The following ANO1 variants were observed in gnomAD, a reference collection of about 807,000 sequenced individuals.
ANO1 encodes the protein anoctamin-1.
A neutral mutation model predicts 124.0 loss-of-function variants in ANO1; 59 were observed. The observed-to-expected ratio is 0.48, with a 90% CI of 0.39 to 0.59. The LOEUF (loss-of-function observed/expected upper bound fraction) is 0.59, where lower values mean the gene tolerates loss of function less well. Among genes scored for constraint, ANO1 ranks in the 20% least tolerant of loss-of-function variants. The pLI is 0.00. For missense variants in ANO1, 1,059 were observed against 1,328.0 expected (o/e 0.80, Z 3.15); for synonymous variants, 529 against 532.0 (o/e 0.99, Z 0.08).
chr11:70,156,067 A>G, intron 15 of ANO1, 79 bp downstream of exon 15: 1 of 1,284,690 alleles, frequency 7.8e-7, no homozygotes, highest in Non-Finnish European at 1.0e-6. Flanking sequence ...TCCTCAACAA[A>G]CTGTTGTATA....
intron 21 of ANO1, among the ~76,000 whole-genome samples, chr11:70,169,147 C>G (rs2048362436): frequency 6.6e-6 from 1 of 152,200 alleles, no homozygotes; most frequent in South Asian, 2.1e-4. Context: ...GCACAGCCTG[C>G]AGTGGGCCGC....
intron 7 of ANO1, among the ~76,000 whole-genome samples, chr11:70,112,848 C>T (rs571639921): frequency 2.6e-5 from 4 of 152,264 alleles, no homozygotes; most frequent in Non-Finnish European, 4.4e-5. Flanking sequence ...CGTGAGCCAC[C>T]GTGCCCAGCC....
rs867111351 is a variant in ANO1 at position 70,105,603 on chromosome 11, C to A, written c.693-131C>A. 14 of 806,454 alleles carry A rather than the reference C, an allele frequency of 1.7e-5. No homozygotes were observed. In the African/African-American group the frequency reaches 1.9e-4, roughly 11 times the overall value. The allele number at this position is 806,454 out of a possible 1,614,324, so 50.0% of individuals were successfully genotyped here. On this transcript the variant is annotated intron_variant, in intron 4 of 25. Coordinates refer to ENST00000355303, the MANE Select transcript of ANO1 (RefSeq NM_018043.7). ...CCAGGGGCGGACGGGTCATACCTGG[C>A]GTGCGGACAGAGTTCTGTCCATTTC...
At chr11:70,166,773 T>G (rs2048270695) in intron 20 of ANO1, among the ~76,000 whole-genome samples, 1 of 152,138 alleles carries the variant, frequency 6.6e-6, no homozygotes, top group African/African-American at 2.4e-5. Context: ...CCCTGCCTTT[T>G]GGGGAAAGGG....
chr11:70,036,639 G>A (rs1033417836), intron 1 of ANO1, among the ~76,000 whole-genome samples: 2 of 152,088 alleles, frequency 1.3e-5, no homozygotes, highest in Admixed American at 6.5e-5. Context: ...ACAGAGTCTC[G>A]CTTTGTCGCC....
chr11:70,144,000 C>CA (rs2047254470), intron 11 of ANO1, among the ~76,000 whole-genome samples: 1 of 152,146 alleles, frequency 6.6e-6, no homozygotes, highest in South Asian at 2.1e-4. Flanking sequence ...CCCCCAACCC[C>CA]AGCCCCTGGC....
intron 1 of ANO1, among the ~76,000 whole-genome samples, chr11:69,997,829 G>A (rs1292855486): frequency 2.0e-5 from 3 of 152,094 alleles, no homozygotes; most frequent in Non-Finnish European, 4.4e-5. Context: ...CCTGTGAGAC[G>A]TCTGCTCCCC....
chr11:70,161,495 A>C (rs2048042349), intron 17 of ANO1, 127 bp from the exon 18 acceptor site: 2 of 1,375,926 alleles, frequency 1.5e-6, no homozygotes, highest in Non-Finnish European at 2.0e-6. Flanking sequence ...GGGTATCCTG[A>C]GCACAGGCCA....
upstream of ANO1, among the ~76,000 whole-genome samples, chr11:69,983,900 G>C (rs1320319720): frequency 5.9e-5 from 9 of 152,150 alleles, no homozygotes; most frequent in Non-Finnish European, 1.2e-4. Context: ...ACATATTTCT[G>C]CTAATAATCA....
chr11:70,057,687 C>T (rs1268380193), intron 1 of ANO1, among the ~76,000 whole-genome samples: 3 of 151,744 alleles, frequency 2.0e-5, no homozygotes, highest in Admixed American at 1.3e-4. Context: ...GTCACAAGGT[C>T]GATTGATTGG....
At chr11:69,992,216 AGATGGATGGATG>A (rs59821789) in intron 1 of ANO1, among the ~76,000 whole-genome samples, 38 of 147,168 alleles carry the variant, frequency 2.6e-4, no homozygotes, top group African/African-American at 7.0e-4. Flanking sequence ...ACGAATGGAT[AGATGGATGGATG>A]GATGGATGGA....
intron 1 of ANO1, among the ~76,000 whole-genome samples, chr11:70,049,324 T>C (rs1857312515): frequency 1.3e-5 from 2 of 152,242 alleles, no homozygotes; most frequent in Admixed American, 1.3e-4. Flanking sequence ...AGCCTGACTC[T>C]GCTGTTCACA....
chr11:69,998,444 C>T (rs1199979144), intron 1 of ANO1, among the ~76,000 whole-genome samples: 1 of 152,124 alleles, frequency 6.6e-6, no homozygotes, highest in Non-Finnish European at 1.5e-5. Context: ...TTTTGGTGTT[C>T]ATGAGTAGTA....
intron 17 of ANO1, 40 bp from the exon 18 acceptor site, chr11:70,161,582 C>G: frequency 1.3e-6 from 2 of 1,599,024 alleles, no homozygotes; most frequent in Non-Finnish European, 8.6e-7. Context: ...TGGGGGCCAT[C>G]CCAGCCACAG....
intron 4 of ANO1, among the ~76,000 whole-genome samples, chr11:70,105,466 TG>T (rs2045484429): frequency 1.1e-5 from 1 of 90,192 alleles, no homozygotes; most frequent in Non-Finnish European, 2.4e-5. Context: ...CTGTGGGGGG[TG>T]GGGGGCTGGA....
upstream of ANO1, among the ~76,000 whole-genome samples, chr11:70,073,462 A>G (rs2044010735): frequency 6.6e-6 from 1 of 152,192 alleles, no homozygotes; most frequent in South Asian, 2.1e-4. Flanking sequence ...GCTGGCTCAT[A>G]GTAAGCGCTG....
intron 19 of ANO1, 26 bp downstream of exon 19, chr11:70,163,366 G>C (rs752151544): frequency 6.2e-7 from 1 of 1,613,004 alleles, no homozygotes; most frequent in South Asian, 1.1e-5. Context: ...TTCATCTCTG[G>C]CAGCCCCTTC....
the ANO1 span, among the ~76,000 whole-genome samples, chr11:69,977,685 C>T: frequency 6.6e-6 from 1 of 152,204 alleles, no homozygotes; most frequent in Non-Finnish European, 1.5e-5. Flanking sequence ...CACGGACTTA[C>T]CCTCTGATTT....
At chr11:70,029,335 GCAGTTGCC>G (rs147703413) in intron 1 of ANO1, among the ~76,000 whole-genome samples, 1,784 of 152,320 alleles carry the variant, frequency 0.012, 42 homozygotes, top group African/African-American at 0.04. Context: ...CTGGGCCTGT[GCAGTTGCC>G]CTGCCCAGGG....
Sources: allele counts gnomAD v4.1 joint callset (sites outside exome capture counted in the v4.1 genomes callset), GRCh38; gene constraint gnomAD v4.1.1; transcripts MANE v1.5; gene names NCBI Gene and HGNC (gene_info 2026-07-23, HGNC 2026-07-21).